The following MMRN1 variants were observed in gnomAD, a reference collection of about 807,000 sequenced individuals.
MMRN1 encodes the protein multimerin-1.
In MMRN1, 94 loss-of-function variants were observed where a neutral mutation model predicts 100.7. The observed-to-expected ratio is 0.93, with a 90% CI of 0.79 to 1.11. The LOEUF (loss-of-function observed/expected upper bound fraction) is 1.11. Ranked by LOEUF, MMRN1 falls within the 50% of genes least tolerant of loss-of-function variation. The pLI is 0.00. For missense variants in MMRN1, 1,606 were observed against 1,439.1 expected (o/e 1.12, Z -1.88); for synonymous variants, 575 against 505.0 (o/e 1.14, Z -1.86).
At chr4:89,922,463 A>G (rs771233940) in intron 3 of MMRN1, among the ~76,000 whole-genome samples, 5 of 152,208 alleles carry the variant, frequency 3.3e-5, no homozygotes, top group African/African-American at 4.8e-5. Context: ...ATGAAAAACT[A>G]TATTGCCATT....
intron 4 of MMRN1, 145 bp from the exon 5 acceptor site, chr4:89,927,650 G>A: frequency 1.5e-6 from 1 of 649,342 alleles, no homozygotes; most frequent in African/African-American, 1.9e-5. Context: ...CTAGTGCTTT[G>A]TTGAAAAATA....
At chr4:89,950,415 C>A (rs1416486960) in intron 6 of MMRN1, among the ~76,000 whole-genome samples, 1 of 152,128 alleles carries the variant, frequency 6.6e-6, no homozygotes, top group East Asian at 1.9e-4. Context: ...AATATCGTCA[C>A]ATTGTCCTAT....
chr4:89,944,739 T>C (rs542562987), intron 6 of MMRN1, among the ~76,000 whole-genome samples: 89 of 152,282 alleles, frequency 5.8e-4, no homozygotes, highest in African/African-American at 2.0e-3. Flanking sequence ...GAAGTTACAT[T>C]TGGTAAAATA....
chr4:89,891,251 A>G (rs1224127561), upstream of MMRN1, among the ~76,000 whole-genome samples: 1 of 152,038 alleles, frequency 6.6e-6, no homozygotes, highest in Non-Finnish European at 1.5e-5. Flanking sequence ...GAACAAGTTC[A>G]TTATATTTAT....
At chr4:89,894,463 C>A (rs2110577626), upstream of MMRN1, among the ~76,000 whole-genome samples, 1 of 152,238 alleles carries the variant, frequency 6.6e-6, no homozygotes, top group East Asian at 1.9e-4. Context: ...TACACTTGAA[C>A]AAAATGCAGC....
At chr4:89,882,982 C>T (rs1392838669) in intron 1 of MMRN1, among the ~76,000 whole-genome samples, 1 of 151,986 alleles carries the variant, frequency 6.6e-6, no homozygotes, top group African/African-American at 2.4e-5. Flanking sequence ...GTATTTCTTG[C>T]TCTTGAACTT....
intron 1 of MMRN1, among the ~76,000 whole-genome samples, chr4:89,888,627 T>C (rs544278851): frequency 6.6e-6 from 1 of 152,172 alleles, no homozygotes; most frequent in African/African-American, 2.4e-5. Flanking sequence ...TGTATTTCGT[T>C]CACATATTCA....
In MMRN1 at chr4:89,935,259, T is replaced by C. The variant is rs531141286; in HGVS notation, c.1579T>C (p.Ser527Pro). The C allele has an allele frequency of 1.1e-5, 17 of 1,613,674 alleles. No individual in the cohort carries two copies. Among genetic ancestry groups the C allele is most frequent in the Admixed American group, 8.3e-5 (5 of 59,960 alleles). The change falls in exon 6 of 8, where the codon TCA becomes CCA. Residue 527 changes from serine (S) to proline (P), a missense_variant. Coordinates refer to ENST00000264790, the MANE Select transcript of MMRN1 (RefSeq NM_007351.3). ...HEQLLSTEQV[S>P]DQKNAPAAES... ...GCAGCTTTTATCAACTGAACAGGTA[T>C]CAGACCAGAAGAATGCTCCAGCTGC...
intron 5 of MMRN1, among the ~76,000 whole-genome samples, chr4:89,933,125 T>C (rs562241257): frequency 2.0e-4 from 31 of 152,306 alleles, no homozygotes; most frequent in Non-Finnish European, 4.1e-4. Context: ...CCAGGTATCC[T>C]AAATCATTTC....
chr4:89,897,138 A>T (rs969208547), intron 1 of MMRN1, among the ~76,000 whole-genome samples: 2 of 152,206 alleles, frequency 1.3e-5, no homozygotes, highest in African/African-American at 4.8e-5. Context: ...TTAAATTTTT[A>T]AAAACTAATT....
At chr4:89,899,549 G>T (rs550647965) in intron 1 of MMRN1, among the ~76,000 whole-genome samples, 1 of 152,158 alleles carries the variant, frequency 6.6e-6, no homozygotes, top group East Asian at 1.9e-4. Context: ...ATAATGGGGG[G>T]AATGGCCTAC....
chr4:89,907,376 G>A (rs112624774), intron 1 of MMRN1, among the ~76,000 whole-genome samples: 4,095 of 151,300 alleles, frequency 0.027, 85 homozygotes, highest in Non-Finnish European at 0.04. Flanking sequence ...ATGACAATGT[G>A]GAATGATTAA....
chr4:89,949,746 A>C (rs1723101542), intron 6 of MMRN1, among the ~76,000 whole-genome samples: 1 of 152,246 alleles, frequency 6.6e-6, no homozygotes, highest in Non-Finnish European at 1.5e-5. Flanking sequence ...TTACATAAGT[A>C]CAATATTAAT....
Position 89,909,366 on chromosome 4 carries a change from TG to T in MMRN1, c.716del (p.Gly239AlafsTer44). The T allele has an allele frequency of 7.5e-6, 12 of 1,610,010 alleles. No homozygotes were observed. The highest frequency in any genetic ancestry group is 9.3e-6 in the Non-Finnish European group (11 of 1,177,452). On this transcript the variant is annotated frameshift_variant, in exon 2 of 8. Coordinates refer to ENST00000264790, the MANE Select transcript of MMRN1 (RefSeq NM_007351.3). LOFTEE classifies it high-confidence loss of function. ...TYVPGGKGPC[G>X]WTGGSCPQRS... Reference sequence around the variant, plus strand: ...ATGTCCCAGGTGGGAAAGGACCTTGTGGCTGGACCGGTGGATCCTGTCCTCA... The same window carrying T: ...ATGTCCCAGGTGGGAAAGGACCTTGTGCTGGACCGGTGGATCCTGTCCTCA...
At chr4:89,902,335 T>A (rs554052488) in intron 1 of MMRN1, among the ~76,000 whole-genome samples, 58 of 150,054 alleles carry the variant, frequency 3.9e-4, no homozygotes, top group African/African-American at 9.5e-4. Context: ...ATAAAAAAAA[T>A]AAATAAATAA....
chr4:89,908,974 C>T (rs968677219), intron 1 of MMRN1, among the ~76,000 whole-genome samples: 2 of 151,390 alleles, frequency 1.3e-5, no homozygotes, highest in African/African-American at 4.8e-5. Flanking sequence ...ATATTTGCTA[C>T]AAGAGCATTC....
intron 6 of MMRN1, among the ~76,000 whole-genome samples, chr4:89,943,717 C>T (rs565770085): frequency 2.3e-4 from 35 of 152,182 alleles, no homozygotes; most frequent in Middle Eastern, 3.4e-3. Context: ...AGGCTGGGAG[C>T]GGTGGCTCAC....
intron 1 of MMRN1, among the ~76,000 whole-genome samples, chr4:89,896,894 T>C (rs1348996780): frequency 6.6e-6 from 1 of 152,182 alleles, no homozygotes; most frequent in Non-Finnish European, 1.5e-5. Flanking sequence ...TTGGTGGACT[T>C]TGGAACAATC....
At position 89,934,962 on chromosome 4, in the gene MMRN1, C is replaced by A. The variant is rs750384125; in HGVS notation, c.1282C>A (p.Gln428Lys). ...EDLESTRQII[Q>K]KVNESVVSIA... ...CCTCGAAAGCACCAGGCAAATAATT[C>A]AAAAAGTTAATGAATCTGTGGTTTC... Residue 428 changes from glutamine to lysine, a missense_variant, in exon 6 of 8, where the codon CAA (glutamine) becomes AAA (lysine). Transcript: ENST00000264790. 3.1e-6 allele frequency: 5 copies of A among 1,613,556 alleles called. No homozygotes were observed. Among genetic ancestry groups the A allele is most frequent in the Admixed American group, 1.7e-5 (1 of 59,946 alleles).
Sources: allele counts gnomAD v4.1 joint callset (sites outside exome capture counted in the v4.1 genomes callset), GRCh38; gene constraint gnomAD v4.1.1; transcripts MANE v1.5; gene names NCBI Gene and HGNC (gene_info 2026-07-23, HGNC 2026-07-21).